The following CEACAM19 variants were observed in gnomAD, a reference collection of about 807,000 sequenced individuals.
The protein encoded by CEACAM19 is cell adhesion molecule CEACAM19.
In CEACAM19, 37 loss-of-function variants were observed where a neutral mutation model predicts 37.6. The ratio of observed to expected loss-of-function variants is 0.98; its 90% confidence interval spans 0.76 to 1.29. The LOEUF (loss-of-function observed/expected upper bound fraction) is 1.29, where lower values mean the gene tolerates loss of function less well. CEACAM19 is among the 50% of genes most tolerant of loss of function. The pLI, the probability that CEACAM19 is intolerant of heterozygous loss-of-function variation, is 0.00. For synonymous variants in CEACAM19, 140 were observed against 149.8 expected (o/e 0.93, Z 0.48); for missense variants, 340 against 375.6 (o/e 0.91, Z 0.78).
chr19:44,678,723 C>A, intron 3 of CEACAM19, 130 bp from the exon 4 acceptor site: 1 of 1,333,628 alleles, frequency 7.5e-7, no homozygotes, highest in Non-Finnish European at 1.0e-6. Flanking sequence ...TATTTTTTTA[C>A]TCAAAACCGC....
intron 6 of CEACAM19, among the ~76,000 whole-genome samples, chr19:44,681,730 G>C (rs1431672013): frequency 6.6e-6 from 1 of 152,116 alleles, no homozygotes; most frequent in Non-Finnish European, 1.5e-5. Flanking sequence ...AGGAGTTTGA[G>C]ACCAGCCTGG....
chr19:44,668,248 T>C (rs1479259928), upstream of CEACAM19, among the ~76,000 whole-genome samples: 3 of 85,236 alleles, frequency 3.5e-5, no homozygotes, highest in East Asian at 1.1e-3. Flanking sequence ...TATAATATGT[T>C]TATATATTAT....
At chr19:44,681,439 C>G (rs1362802862) in intron 6 of CEACAM19, 127 bp downstream of exon 6, 2 of 587,802 alleles carry the variant, frequency 3.4e-6, no homozygotes, top group African/African-American at 3.8e-5. Flanking sequence ...TATATTGTTC[C>G]CTGTTTTTAA....
chr19:44,679,048 A>G, intron 4 of CEACAM19, 112 bp downstream of exon 4: 2 of 1,498,112 alleles, frequency 1.3e-6, no homozygotes, highest in Non-Finnish European at 1.8e-6. Context: ...GTTGGGGTGC[A>G]GTGGTGCGAT....
At chr19:44,668,553 A>G (rs1973793163), upstream of CEACAM19, among the ~76,000 whole-genome samples, 1 of 69,410 alleles carries the variant, frequency 1.4e-5, no homozygotes, top group Non-Finnish European at 2.2e-5. Flanking sequence ...TAATTATATA[A>G]TTATATACAT....
intron 4 of CEACAM19, among the ~76,000 whole-genome samples, chr19:44,679,787 G>T (rs950717268): frequency 6.7e-6 from 1 of 148,648 alleles, no homozygotes; most frequent in Non-Finnish European, 1.5e-5. Context: ...AAAATAAGCC[G>T]AGCATGGTGG....
At chr19:44,670,637 T>G (rs1225785097), upstream of CEACAM19, among the ~76,000 whole-genome samples, 1 of 151,950 alleles carries the variant, frequency 6.6e-6, no homozygotes, top group Non-Finnish European at 1.5e-5. Context: ...ATTGTGCCAC[T>G]GTACTCCAGC....
upstream of CEACAM19, among the ~76,000 whole-genome samples, chr19:44,667,546 AT>A (rs1973734204): frequency 1.6e-5 from 2 of 124,100 alleles, no homozygotes; most frequent in East Asian, 2.1e-4. Flanking sequence ...TTTTACATAT[AT>A]TTTATATGTA....
upstream of CEACAM19, among the ~76,000 whole-genome samples, chr19:44,668,265 T>C (rs1263686835): frequency 1.2e-5 from 1 of 84,566 alleles, no homozygotes; most frequent in Non-Finnish European, 2.0e-5. Context: ...TTATTATATT[T>C]ATATAATATG....
upstream of CEACAM19, among the ~76,000 whole-genome samples, chr19:44,668,554 T>A (rs1477427083): frequency 1.5e-5 from 1 of 68,308 alleles, no homozygotes; most frequent in African/African-American, 9.6e-5. Flanking sequence ...AATTATATAA[T>A]TATATACATA....
At chr19:44,669,805 G>A (rs1477824566), upstream of CEACAM19, among the ~76,000 whole-genome samples, 2 of 152,022 alleles carry the variant, frequency 1.3e-5, no homozygotes, top group Middle Eastern at 3.2e-3. Context: ...TGTCTCCTTG[G>A]GCTCTCCCAG....
At chr19:44,678,736 A>G in intron 3 of CEACAM19, 117 bp from the exon 4 acceptor site, 1 of 1,434,660 alleles carries the variant, frequency 7.0e-7, no homozygotes, top group East Asian at 2.4e-5. Context: ...AAAACCGCAC[A>G]CACACCTTCC....
chr19:44,670,402 C>T (rs1358255534), upstream of CEACAM19, among the ~76,000 whole-genome samples: 1 of 151,150 alleles, frequency 6.6e-6, no homozygotes, highest in Non-Finnish European at 1.5e-5. Flanking sequence ...GGGCTGGGTG[C>T]AGTGGCTCAT....
Position 44,682,622 on chromosome 19 carries a change from T to A in CEACAM19, c.846+2T>A, listed in dbSNP as rs200296734. 2.5e-6 allele frequency: 4 copies of A among 1,600,654 alleles called. No homozygotes were observed. The highest frequency in any genetic ancestry group is 3.4e-6 in the Non-Finnish European group (4 of 1,173,844). On this transcript the variant is annotated splice_donor_variant, in intron 7 of 7. Transcript: ENST00000358777. LOFTEE classifies it high-confidence loss of function. Reference sequence around the variant, plus strand: ...GAGCCAGAGAACCACCAGTACCAGGTATGGAGCTGGGAGCTGGGAGGGGTG... The same window carrying A: ...GAGCCAGAGAACCACCAGTACCAGGAATGGAGCTGGGAGCTGGGAGGGGTG...
In CEACAM19 at chr19:44,676,199, G is replaced by A. The variant is rs1973945062; in HGVS notation, c.425-72G>A. On this transcript the variant is annotated intron_variant, in intron 2 of 7. Transcript: ENST00000358777. ...CTCCATGCAGTCACTGATATAGTCG[G>A]TGAGGGACTGGGGGAGCCCTCAGGA... 2.8e-5 allele frequency: 42 copies of A among 1,489,694 alleles called. 1 individual carries two copies. In the South Asian group the frequency reaches 4.7e-4, roughly 17 times the overall value. 92.3% of individuals were successfully genotyped at this position (1,489,694 alleles called of 1,614,324 possible).
At chr19:44,673,296 T>C (rs1346578207) in intron 2 of CEACAM19, among the ~76,000 whole-genome samples, 2 of 152,212 alleles carry the variant, frequency 1.3e-5, no homozygotes, top group Non-Finnish European at 2.9e-5. Flanking sequence ...TCTTTATGTT[T>C]ATAAAGCGAG....
In CEACAM19 at chr19:44,673,015, A is replaced by G. The variant is rs779359750; in HGVS notation, c.424+51A>G. 9 of 1,401,686 alleles carry G rather than the reference A, an allele frequency of 6.4e-6. No individual in the cohort carries two copies. The African/African-American group carries it at 8.8e-5, about 14-fold the overall frequency. The allele number at this position is 1,401,686 out of a possible 1,614,324, so 86.8% of individuals were successfully genotyped here. On this transcript the variant is annotated intron_variant, in intron 2 of 7. Coordinates refer to ENST00000358777, the MANE Select transcript of CEACAM19 (RefSeq NM_001127893.3). ...GTGAGGAAGCTAATGAGCCCTGAGC[A>G]GCTACCATGCACCAGGTGCTGTGCA...
intron 4 of CEACAM19, among the ~76,000 whole-genome samples, chr19:44,679,254 A>G (rs1483155546): frequency 1.3e-5 from 2 of 152,148 alleles, no homozygotes; most frequent in African/African-American, 2.4e-5. Flanking sequence ...TGGTCTCCCA[A>G]TGTGCTGGGA....
At chr19:44,675,454 G>T (rs1425808407) in intron 2 of CEACAM19, among the ~76,000 whole-genome samples, 1 of 151,984 alleles carries the variant, frequency 6.6e-6, no homozygotes, top group Non-Finnish European at 1.5e-5. Context: ...TCCTTCTGCT[G>T]AAGGGATTCA....
Sources: allele counts gnomAD v4.1 joint callset (sites outside exome capture counted in the v4.1 genomes callset), GRCh38; gene constraint gnomAD v4.1.1; transcripts MANE v1.5; gene names NCBI Gene and HGNC (gene_info 2026-07-23, HGNC 2026-07-21).